The following DNAJC3 variants were observed in gnomAD, a reference collection of about 807,000 sequenced individuals.
DNAJC3 encodes DnaJ heat shock protein family (Hsp40) member C3.
A neutral mutation model predicts 68.6 loss-of-function variants in DNAJC3; 38 were observed. The observed-to-expected ratio is 0.55, with a 90% confidence interval of 0.43 to 0.73. The LOEUF (loss-of-function observed/expected upper bound fraction) is 0.73. Among genes scored for constraint, DNAJC3 ranks in the 30% least tolerant of loss-of-function variants. The pLI is 0.00. For missense variants in DNAJC3, 526 were observed against 591.9 expected (o/e 0.89, Z 1.16); for synonymous variants, 203 against 204.0 (o/e 1.00, Z 0.04).
At chr13:95,682,172 G>C (rs1254044749) in intron 1 of DNAJC3, among the ~76,000 whole-genome samples, 4 of 152,218 alleles carry the variant, frequency 2.6e-5, no homozygotes, top group African/African-American at 9.6e-5. Context: ...TCTTTCTTTG[G>C]CTAGATTCCA....
chr13:95,678,056 A>T (rs1879810841), intron 1 of DNAJC3, among the ~76,000 whole-genome samples: 1 of 152,190 alleles, frequency 6.6e-6, no homozygotes, highest in African/African-American at 2.4e-5. Context: ...ATTAAATTTC[A>T]CTTCAGTCCT....
At position 95,773,614 on chromosome 13, in the gene DNAJC3, T is replaced by G. The variant is rs150052293; in HGVS notation, c.1075+9661T>G. Among the ~76,000 whole-genome samples, 460 of 152,212 alleles carry G rather than the reference T, an allele frequency of 3.0e-3. 4 individuals are homozygous for G. Among genetic ancestry groups the G allele is most frequent in the African/African-American group, 1.0e-2 (415 of 41,546 alleles). ...CATGAAGTTCATAATATTATCTTATTATTTAATGTCTATAAGGTCTGTAAG... is the reference window on the plus strand; with the variant it reads ...CATGAAGTTCATAATATTATCTTATGATTTAATGTCTATAAGGTCTGTAAG... On this transcript the variant is annotated intron_variant, in intron 9 of 11. Coordinates refer to ENST00000602402, the MANE Select transcript of DNAJC3 (RefSeq NM_006260.5).
rs369567141 is a variant in DNAJC3, at chr13:95,712,156, T to C, written c.193+2819T>C. 5.3e-5 allele frequency among the ~76,000 whole-genome samples: 8 copies of C among 152,104 alleles called. No individual in the cohort carries two copies. In the East Asian group the frequency reaches 1.3e-3, roughly 26 times the overall value. On this transcript the variant is annotated intron_variant, in intron 2 of 11. Transcript: ENST00000602402. ...GTGCAGAAGAAATATTTGATAAATA[T>C]TTAACACCATTTCTGAAAGAAAAAG...
intron 1 of DNAJC3, among the ~76,000 whole-genome samples, chr13:95,706,474 T>G (rs1880752120): frequency 6.6e-6 from 1 of 152,234 alleles, no homozygotes; most frequent in Non-Finnish European, 1.5e-5. Context: ...AGCAGATCTT[T>G]TAGTGTGTTC....
intron 1 of DNAJC3, among the ~76,000 whole-genome samples, chr13:95,699,518 G>A (rs1024352511): frequency 6.6e-6 from 1 of 152,166 alleles, no homozygotes; most frequent in African/African-American, 2.4e-5. Context: ...GATAGGTTGA[G>A]TGAGTCAAGC....
chr13:95,747,379 T>A (rs1232082422), intron 4 of DNAJC3, among the ~76,000 whole-genome samples: 2 of 152,136 alleles, frequency 1.3e-5, no homozygotes, highest in African/African-American at 2.4e-5. Context: ...GTTACTTGCT[T>A]GAAATCTGAA....
intron 9 of DNAJC3, 118 bp from the exon 10 acceptor site, chr13:95,785,821 A>C: frequency 4.4e-6 from 4 of 900,414 alleles, no homozygotes; most frequent in Non-Finnish European, 6.3e-6. Context: ...TTTTGGCAAT[A>C]ATGGCCAAAG....
intron 1 of DNAJC3, among the ~76,000 whole-genome samples, chr13:95,690,799 C>T (rs1238574730): frequency 7.0e-6 from 1 of 142,706 alleles, no homozygotes; most frequent in African/African-American, 2.6e-5. Context: ...GGCTGACCCC[C>T]CCACCTCCCT....
chr13:95,705,519 TC>T (rs1440995009), intron 1 of DNAJC3, among the ~76,000 whole-genome samples: 3 of 149,060 alleles, frequency 2.0e-5, no homozygotes, highest in African/African-American at 7.6e-5. Context: ...TCTCTCTCTC[TC>T]TTTTTTTTTT....
chr13:95,785,482 G>A (rs545370864), intron 9 of DNAJC3, among the ~76,000 whole-genome samples: 55 of 110,376 alleles, frequency 5.0e-4, no homozygotes, highest in Admixed American at 2.6e-3. Context: ...TTTTTGAGAC[G>A]GAATCTCACT....
Position 95,790,901 on chromosome 13 carries a change from A to G in DNAJC3, c.1386A>G (p.Glu462=). The part of the protein sequence containing the change: ...PEMRKKFDDG[E]DPLDAESQQG... ...TGAGAAAGAAGTTTGACGACGGAGA[A>G]GATCCTTTGGATGCAGAGAGCCAGC... is the stretch of plus-strand genomic sequence containing the variant. The change falls in exon 12 of 12, where the codon GAA becomes GAG. Residue 462 remains glutamate (E), a synonymous_variant. Coordinates refer to ENST00000602402, the MANE Select transcript of DNAJC3 (RefSeq NM_006260.5). The G allele has an allele frequency of 6.2e-7, 1 of 1,607,330 alleles. No individual in the cohort carries two copies. The highest frequency in any genetic ancestry group is 8.5e-7 in the Non-Finnish European group (1 of 1,178,568).
chr13:95,764,716 A>G (rs1283089624), intron 9 of DNAJC3, among the ~76,000 whole-genome samples: 1 of 136,490 alleles, frequency 7.3e-6, no homozygotes, highest in Non-Finnish European at 1.5e-5. Flanking sequence ...ACATATATAT[A>G]TACACATATA....
At position 95,791,323 on chromosome 13, in the gene DNAJC3, C is replaced by G. The variant is rs1400991111; in HGVS notation, c.*293C>G. 2.8e-6 allele frequency: 1 copy of G among 355,332 alleles called. No individual in the cohort carries two copies. Among genetic ancestry groups the G allele is most frequent in the African/African-American group, 3.1e-5 (1 of 32,770 alleles). 22.0% of individuals were successfully genotyped at this position (355,332 alleles called of 1,614,324 possible). On this transcript the variant is annotated 3_prime_UTR_variant, in exon 12 of 12. Coordinates refer to ENST00000602402, the MANE Select transcript of DNAJC3 (RefSeq NM_006260.5). ...TCACCCGTGGAAGTGCTCACGTATT[C>G]TGTATTATTTTTCTACACTGGAGCT...
At chr13:95,687,015 G>GT (rs1189774902) in intron 1 of DNAJC3, among the ~76,000 whole-genome samples, 2 of 152,116 alleles carry the variant, frequency 1.3e-5, no homozygotes, top group Non-Finnish European at 2.9e-5. Flanking sequence ...AGCCTGGGAT[G>GT]TTTTTGTGTT....
In DNAJC3 at chr13:95,760,644, C is replaced by T. The variant is rs373384974; in HGVS notation, c.729-35C>T. On this transcript the variant is annotated intron_variant, in intron 6 of 11. Coordinates refer to ENST00000602402, the MANE Select transcript of DNAJC3 (RefSeq NM_006260.5). ...GAAAACTACTCATTGATTGTTTTGA[C>T]ATGGAGTATTTTCCTTTTTTAAATA... 3.7e-5 allele frequency: 58 copies of T among 1,577,422 alleles called. No individual in the cohort carries two copies. In the African/African-American group the frequency reaches 6.7e-4, roughly 18 times the overall value.
intron 9 of DNAJC3, among the ~76,000 whole-genome samples, chr13:95,764,414 T>C (rs1279607617): frequency 1.4e-5 from 2 of 147,348 alleles, no homozygotes; most frequent in Admixed American, 6.8e-5. Flanking sequence ...GTATAAAACA[T>C]AAATACAGAA....
rs1413521783 is a variant in DNAJC3, at chr13:95,716,921, G to A, written c.194-6321G>A. Among the ~76,000 whole-genome samples the A allele has an allele frequency of 2.0e-5, 3 of 152,126 alleles. No homozygotes were observed. The East Asian group carries it at 5.8e-4, about 29-fold the overall frequency. ...AGTGCCTGTTCTCACTTAGGTCCGT[G>A]GGCACAGGCCCAAGGGTGCAGCCCT... On this transcript the variant is annotated intron_variant, in intron 2 of 11. Transcript: ENST00000602402.
intron 9 of DNAJC3, among the ~76,000 whole-genome samples, chr13:95,767,542 G>A (rs1883024612): frequency 6.6e-6 from 1 of 152,174 alleles, no homozygotes. Context: ...CTACCTAGAA[G>A]TGGGATTGCA....
intron 2 of DNAJC3, among the ~76,000 whole-genome samples, chr13:95,719,287 C>T (rs1881245815): frequency 6.6e-6 from 1 of 152,214 alleles, no homozygotes; most frequent in Middle Eastern, 3.2e-3. Flanking sequence ...GAAGTTCTTC[C>T]AAACCCTGTC....
Sources: allele counts gnomAD v4.1 joint callset (sites outside exome capture counted in the v4.1 genomes callset), GRCh38; gene constraint gnomAD v4.1.1; transcripts MANE v1.5; gene names NCBI Gene and HGNC (gene_info 2026-07-23, HGNC 2026-07-21).